EVC2: variants seen among roughly 807,000 people sequenced by gnomAD.
EVC2 encodes the protein limbin.
EVC2 carries 148 observed loss-of-function variants against 149.3 expected under a neutral mutation model. The observed-to-expected ratio is 0.99, with a 90% confidence interval of 0.87 to 1.14. The LOEUF (loss-of-function observed/expected upper bound fraction) is 1.14. Ranked by LOEUF, EVC2 falls within the 50% of genes most tolerant of loss-of-function variation. The probability of loss-of-function intolerance (pLI) is 0.00; values close to 1 mark genes in which losing one functional copy is unlikely to be tolerated. For synonymous variants in EVC2, 776 were observed against 649.9 expected (o/e 1.19, Z -2.95); for missense variants, 1,854 against 1,627.3 (o/e 1.14, Z -2.40).
intron 4 of EVC2, 111 bp downstream of exon 4, chr4:5,691,154 G>C: frequency 2.1e-6 from 2 of 935,060 alleles, no homozygotes; most frequent in South Asian, 1.3e-5. Flanking sequence ...GTCTAGACTT[G>C]TGTAGGTAAG....
At position 5,618,642 on chromosome 4, in the gene EVC2, G is replaced by C. The variant is rs1284635680; in HGVS notation, c.2542C>G (p.Leu848Val). ...SSVFSLSEEE[L>V]LRMRQEVHGC... ...TGGACCTCCTGCCTCATCCTGAGCA[G>C]CTCCTCTTCAGACAGGGAGAAGACT... The change falls in exon 15 of 22, where the codon CTG (leucine) becomes GTG (valine). Residue 848 changes from leucine (L) to valine (V), a missense_variant. Coordinates refer to ENST00000344408, the MANE Select transcript of EVC2 (RefSeq NM_147127.5). The surrounding 1 kb of genome is among the most constrained non-coding windows in gnomAD (Gnocchi z 4.4). 6.2e-7 allele frequency: 1 copy of C among 1,610,734 alleles called. No homozygotes were observed. The highest frequency in any genetic ancestry group is 8.5e-7 in the Non-Finnish European group (1 of 1,178,598).
At chr4:5,542,503 C>T (rs1448479328), downstream of EVC2, among the ~76,000 whole-genome samples, 1 of 152,052 alleles carries the variant, frequency 6.6e-6, no homozygotes, top group Non-Finnish European at 1.5e-5. Context: ...TGGGGACCTC[C>T]TAAAAGGGCC....
In EVC2 at chr4:5,612,645, G is replaced by C. The variant is rs1186558565; in HGVS notation, c.2829+2777C>G. 2.6e-5 allele frequency among the ~76,000 whole-genome samples: 4 copies of C among 152,238 alleles called. No homozygotes were observed. In the East Asian group the frequency reaches 7.7e-4, roughly 29 times the overall value. The stretch of plus-strand genomic sequence containing the variant: ...GGATTAGAAATAATTATGAGAGGCC[G>C]GGCATGGTGGCTCACGCCTATAATC... On this transcript the variant is annotated intron_variant, in intron 16 of 21. Coordinates refer to ENST00000344408, the MANE Select transcript of EVC2 (RefSeq NM_147127.5).
chr4:5,605,382 G>A (rs555761529), intron 16 of EVC2, among the ~76,000 whole-genome samples: 22 of 152,260 alleles, frequency 1.4e-4, no homozygotes, highest in Non-Finnish European at 1.2e-4. Flanking sequence ...ATTTTTGTTT[G>A]TTTAATGTGG....
chr4:5,637,568 G>C lies in EVC2; in HGVS notation c.1470+2946C>G, dbSNP rs993205582. On this transcript the variant is annotated intron_variant, in intron 10 of 21. Coordinates refer to ENST00000344408, the MANE Select transcript of EVC2 (RefSeq NM_147127.5). This position sits in a 1 kb window ranked among gnomAD's most constrained non-coding sequence, Gnocchi z 4.4. ...AGAGTATTTAATAAAATCAGCAAAT[G>C]TGTATACTGTGATGTAAAGTGAAAA... Among the ~76,000 whole-genome samples, 1 of 152,176 alleles carries C rather than the reference G, an allele frequency of 6.6e-6. No homozygotes were observed. Among genetic ancestry groups the C allele is most frequent in the Non-Finnish European group, 1.5e-5 (1 of 68,036 alleles).
chr4:5,545,136 G>T (rs112394935), intron 21 of EVC2, among the ~76,000 whole-genome samples: 9 of 152,214 alleles, frequency 5.9e-5, no homozygotes, highest in Non-Finnish European at 1.2e-4. Flanking sequence ...AGATGGCCCT[G>T]TATGGGATCT....
downstream of EVC2, among the ~76,000 whole-genome samples, chr4:5,538,049 T>A (rs1382390849): frequency 1.4e-5 from 2 of 139,918 alleles, no homozygotes; most frequent in Non-Finnish European, 3.1e-5. Flanking sequence ...GCCAAACTGA[T>A]CTGGAAAGAA....
intron 21 of EVC2, among the ~76,000 whole-genome samples, chr4:5,546,638 C>T (rs1721628706): frequency 6.6e-6 from 1 of 151,734 alleles, no homozygotes; most frequent in South Asian, 2.1e-4. Flanking sequence ...GTGGGTGCAG[C>T]ACACCAACAT....
chr4:5,708,757 C>T, upstream of EVC2: 1 of 416,030 alleles, frequency 2.4e-6, no homozygotes, highest in Non-Finnish European at 4.2e-6. Flanking sequence ...GCGCCCAAAC[C>T]GAATCAGAGC....
At chr4:5,553,362 T>G (rs952202916) in intron 21 of EVC2, among the ~76,000 whole-genome samples, 7 of 152,114 alleles carry the variant, frequency 4.6e-5, no homozygotes, top group Admixed American at 4.6e-4. Flanking sequence ...CATGATCCAA[T>G]CACTTCCCAC....
downstream of EVC2, among the ~76,000 whole-genome samples, chr4:5,542,148 G>A (rs1357392492): frequency 1.3e-5 from 2 of 152,138 alleles, no homozygotes; most frequent in Admixed American, 6.5e-5. Flanking sequence ...GACCATGCCG[G>A]CACCCTGATT....
chr4:5,694,209 T>G, intron 3 of EVC2, 126 bp downstream of exon 3: 1 of 933,734 alleles, frequency 1.1e-6, no homozygotes, highest in South Asian at 1.5e-5. Context: ...GATAACTATA[T>G]TTAGTGAAAG....
downstream of EVC2, among the ~76,000 whole-genome samples, chr4:5,558,505 CATATT>C (rs1721880849): frequency 6.6e-6 from 1 of 152,128 alleles, no homozygotes; most frequent in Admixed American, 6.5e-5. Flanking sequence ...AAATTTGTAT[CATATT>C]ATACAATCAT....
chr4:5,707,227 T>C (rs940186404), intron 1 of EVC2, among the ~76,000 whole-genome samples: 2 of 152,250 alleles, frequency 1.3e-5, no homozygotes, highest in South Asian at 2.1e-4. Context: ...TGTTCTGTCA[T>C]TGGACTTTTG....
chr4:5,535,655 T>C, the EVC2 span, among the ~76,000 whole-genome samples: 1 of 129,822 alleles, frequency 7.7e-6, no homozygotes. The surrounding 1 kb of genome is among the most constrained non-coding windows in gnomAD (Gnocchi z 4.7). Context: ...CTCCTGTTCT[T>C]CCTCTTTCTT....
chr4:5,586,008 T>C (rs1327824086), intron 16 of EVC2, among the ~76,000 whole-genome samples: 1 of 152,008 alleles, frequency 6.6e-6, no homozygotes, highest in Non-Finnish European at 1.5e-5. Context: ...ATTACAGGCA[T>C]GCACCACCAC....
chr4:5,603,948 A>G (rs1220058677), intron 16 of EVC2, among the ~76,000 whole-genome samples: 1 of 152,232 alleles, frequency 6.6e-6, no homozygotes, highest in Non-Finnish European at 1.5e-5. Flanking sequence ...GCATCCATCA[A>G]ATGGATCTGC....
At chr4:5,650,372 T>C (rs1025136356) in intron 9 of EVC2, among the ~76,000 whole-genome samples, 13 of 151,970 alleles carry the variant, frequency 8.6e-5, no homozygotes, top group African/African-American at 3.1e-4. Flanking sequence ...CTAATCAACT[T>C]TTCCTGGGTG....
At chr4:5,529,161 A>T in the EVC2 span, among the ~76,000 whole-genome samples, 12 of 152,186 alleles carry the variant, frequency 7.9e-5, no homozygotes, top group Middle Eastern at 6.8e-3. The surrounding 1 kb of genome is among the most constrained non-coding windows in gnomAD (Gnocchi z 4.5). Context: ...TCCCTTTCAG[A>T]AATCTATGCT....
Sources: gnomAD v4.1 joint callset for allele counts (sites outside exome capture counted in the v4.1 genomes callset) on GRCh38, gnomAD v4.1.1 for gene constraint, Gnocchi (gnomAD v3.1) non-coding constraint, MANE v1.5 for transcripts, NCBI Gene and HGNC (gene_info 2026-07-23, HGNC 2026-07-21) for gene names.